Variants in STXBP6 observed in about 807,000 individuals in gnomAD.
STXBP6 encodes syntaxin-binding protein 6.
STXBP6 carries 21 observed loss-of-function variants against 26.9 expected under a neutral mutation model. The ratio of observed to expected loss-of-function variants is 0.78; its 90% confidence interval spans 0.55 to 1.12. The LOEUF is 1.12. STXBP6 is among the 50% of genes most tolerant of loss of function. The probability of loss-of-function intolerance (pLI) is 0.00; values close to 1 mark genes in which losing one functional copy is unlikely to be tolerated. For synonymous variants in STXBP6, 97 were observed against 92.6 expected (o/e 1.05, Z -0.27); for missense variants, 232 against 257.9 (o/e 0.90, Z 0.69).
Position 24,829,460 on chromosome 14 carries a change from T to G in STXBP6, c.452-10266A>C, listed in dbSNP as rs545846422. Reference sequence around the variant, plus strand: ...TTAATAAACTGAGCATGAAACAAAGTGCAAATAAAAGTGTTTCCTTTCCAT... The same window carrying G: ...TTAATAAACTGAGCATGAAACAAAGGGCAAATAAAAGTGTTTCCTTTCCAT... On this transcript the variant is annotated intron_variant, in intron 4 of 5. Transcript: ENST00000323944. 2.6e-5 allele frequency among the ~76,000 whole-genome samples: 4 copies of G among 152,314 alleles called. No individual in the cohort carries two copies. The East Asian group carries it at 5.8e-4, about 22-fold the overall frequency.
intron 4 of STXBP6, among the ~76,000 whole-genome samples, chr14:24,834,752 GTT>G (rs563445851): frequency 3.3e-5 from 5 of 152,132 alleles, no homozygotes; most frequent in Non-Finnish European, 7.4e-5. Flanking sequence ...GAAAAGAAGA[GTT>G]TTAAGAGACA....
intron 4 of STXBP6, among the ~76,000 whole-genome samples, chr14:24,833,096 T>C (rs189145174): frequency 6.6e-6 from 1 of 152,312 alleles, no homozygotes; most frequent in Admixed American, 6.5e-5. Context: ...AGAGTTTCCA[T>C]GGTTTCTTAG....
chr14:25,023,527 G>A (rs781613040), intron 1 of STXBP6, among the ~76,000 whole-genome samples: 4 of 152,170 alleles, frequency 2.6e-5, no homozygotes, highest in Non-Finnish European at 5.9e-5. Context: ...AGGTGCTTTT[G>A]TGGCTGGGCG....
At chr14:24,828,498 TTTTG>T (rs1039616790) in intron 4 of STXBP6, among the ~76,000 whole-genome samples, 3 of 152,198 alleles carry the variant, frequency 2.0e-5, no homozygotes, top group South Asian at 2.1e-4. Context: ...TATCTGGGTA[TTTTG>T]TTTAAGTATT....
intron 2 of STXBP6, among the ~76,000 whole-genome samples, chr14:24,941,785 G>A (rs1425009077): frequency 6.6e-6 from 1 of 152,202 alleles, no homozygotes; most frequent in Non-Finnish European, 1.5e-5. Context: ...TCCTCTCCTT[G>A]AGAGAGTGCC....
Position 24,812,496 on chromosome 14 carries a change from G to A in STXBP6, c.*213C>T, listed in dbSNP as rs960516939. 1.0e-5 allele frequency: 6 copies of A among 578,214 alleles called. No individual in the cohort carries two copies. The highest frequency in any genetic ancestry group is 9.4e-5 in the African/African-American group (5 of 53,280). 35.8% of individuals were successfully genotyped at this position (578,214 alleles called of 1,614,324 possible). On this transcript the variant is annotated 3_prime_UTR_variant, in exon 6 of 6. Coordinates refer to ENST00000323944, the MANE Select transcript of STXBP6 (RefSeq NM_001394410.1). ...GGCAAAAACCCAAAATGAAGCTGAT[G>A]CTATTGTAGCATTTATTAGCAAGAT...
intron 1 of STXBP6, among the ~76,000 whole-genome samples, chr14:24,995,942 C>T (rs2074590272): frequency 6.6e-6 from 1 of 152,136 alleles, no homozygotes. Context: ...AATCTGAACA[C>T]TGCTTTCAGA....
chr14:24,949,817 A>G (rs896685261), intron 2 of STXBP6, among the ~76,000 whole-genome samples: 1 of 152,154 alleles, frequency 6.6e-6, no homozygotes, highest in Non-Finnish European at 1.5e-5. Context: ...GCCTCAGCCA[A>G]TCACAGTGGC....
chr14:25,002,854 G>A lies in STXBP6; in HGVS notation c.-32-28004C>T, dbSNP rs1445498787. On this transcript the variant is annotated intron_variant, in intron 1 of 5. Coordinates refer to ENST00000323944, the MANE Select transcript of STXBP6 (RefSeq NM_001394410.1). ...TGATTCTCCTGCCTCAGCCTTCCAAGTAGCTGGTATTACAGGCGTGTGCCA... is the reference window on the plus strand; with the variant it reads ...TGATTCTCCTGCCTCAGCCTTCCAAATAGCTGGTATTACAGGCGTGTGCCA... Among the ~76,000 whole-genome samples the A allele has an allele frequency of 4.6e-5, 7 of 152,008 alleles. No homozygotes were observed. In the Middle Eastern group the frequency reaches 0.017, roughly 372 times the overall value.
intron 2 of STXBP6, among the ~76,000 whole-genome samples, chr14:24,894,568 A>G (rs2070915829): frequency 6.6e-6 from 1 of 152,202 alleles, no homozygotes; most frequent in South Asian, 2.1e-4. Context: ...AGCAGATTCC[A>G]TATCCCCCAA....
chr14:24,812,452 C>T lies in STXBP6; in HGVS notation c.*257G>A, dbSNP rs1334488740. On this transcript the variant is annotated 3_prime_UTR_variant, in exon 6 of 6. Coordinates refer to ENST00000323944, the MANE Select transcript of STXBP6 (RefSeq NM_001394410.1). ...CATATTCAAAACATACATATACACACATACACACAGTGGGAGGAGGCAAAA... is the reference window on the plus strand; with the variant it reads ...CATATTCAAAACATACATATACACATATACACACAGTGGGAGGAGGCAAAA... 5.7e-6 allele frequency: 3 copies of T among 529,058 alleles called. No individual in the cohort carries two copies. The highest frequency in any genetic ancestry group is 1.9e-5 in the African/African-American group (1 of 52,574). The allele number at this position is 529,058 out of a possible 1,614,324, so 32.8% of individuals were successfully genotyped here.
At chr14:24,941,749 T>C (rs553997964) in intron 2 of STXBP6, among the ~76,000 whole-genome samples, 9 of 152,232 alleles carry the variant, frequency 5.9e-5, no homozygotes, top group Non-Finnish European at 1.3e-4. Flanking sequence ...CTTTTCTGCT[T>C]TGGACCTCTT....
chr14:24,960,994 C>T (rs2073517994), intron 2 of STXBP6, among the ~76,000 whole-genome samples: 1 of 152,186 alleles, frequency 6.6e-6, no homozygotes, highest in Non-Finnish European at 1.5e-5. Context: ...GGCAAAGCAT[C>T]CAATTTCTGC....
chr14:24,925,103 T>C (rs2072114578), intron 2 of STXBP6, among the ~76,000 whole-genome samples: 1 of 152,228 alleles, frequency 6.6e-6, no homozygotes, highest in Admixed American at 6.5e-5. Flanking sequence ...ATCTGTGACA[T>C]GTAAAGATAT....
At position 24,810,900 on chromosome 14, in the gene STXBP6, T is replaced by TGTGTGTGC. The variant is rs1474648802; in HGVS notation, c.*1808_*1809insGCACACAC. 1 of 152,096 alleles carries TGTGTGTGC rather than the reference T, an allele frequency of 6.6e-6. No individual in the cohort carries two copies. The highest frequency in any genetic ancestry group is 6.6e-5 in the Admixed American group (1 of 15,224). The allele number at this position is 152,096 out of a possible 1,614,324, so 9.4% of individuals were successfully genotyped here. ...GTGTGTGTGTGTGTGTGTGTGTGTG[T>TGTGTGTGC]GCATTCTGAACTGAGATCTGCAAAC... On this transcript the variant is annotated 3_prime_UTR_variant, in exon 6 of 6. Transcript: ENST00000323944.
intron 4 of STXBP6, among the ~76,000 whole-genome samples, chr14:24,840,396 C>T (rs2068750858): frequency 6.6e-6 from 1 of 152,172 alleles, no homozygotes; most frequent in Non-Finnish European, 1.5e-5. Flanking sequence ...AGATTCTTTC[C>T]TCCACTTTAG....
intron 2 of STXBP6, among the ~76,000 whole-genome samples, chr14:24,882,827 T>C (rs1444216582): frequency 6.6e-6 from 1 of 152,254 alleles, no homozygotes; most frequent in Non-Finnish European, 1.5e-5. Flanking sequence ...CCACTTGATA[T>C]GTAATTCAAA....
chr14:24,983,378 CA>C (rs1444196870), intron 1 of STXBP6, among the ~76,000 whole-genome samples: 2 of 152,232 alleles, frequency 1.3e-5, no homozygotes, highest in Admixed American at 1.3e-4. Context: ...TGGAAATAGC[CA>C]AATCTATTCC....
chr14:24,973,035 T>C (rs1162018611), intron 2 of STXBP6, among the ~76,000 whole-genome samples: 1 of 152,098 alleles, frequency 6.6e-6, no homozygotes, highest in African/African-American at 2.4e-5. Flanking sequence ...GAGGATCGAT[T>C]GAACCCAAGG....
Sources: allele counts gnomAD v4.1 joint callset (sites outside exome capture counted in the v4.1 genomes callset), GRCh38; gene constraint gnomAD v4.1.1; transcripts MANE v1.5; gene names NCBI Gene and HGNC (gene_info 2026-07-23, HGNC 2026-07-21).